The following GTF2IRD1 variants were observed in gnomAD, a reference collection of about 807,000 sequenced individuals.
The protein encoded by GTF2IRD1 is general transcription factor II-I repeat domain-containing protein 1.
GTF2IRD1 carries 26 observed loss-of-function variants against 113.2 expected under a neutral mutation model. The ratio of observed to expected loss-of-function variants is 0.23; its 90% CI spans 0.17 to 0.32. The LOEUF (loss-of-function observed/expected upper bound fraction) is 0.32. GTF2IRD1 is among the 10% of genes least tolerant of loss of function. The pLI, the probability that GTF2IRD1 is intolerant of heterozygous loss-of-function variation, is 1.00. For synonymous variants in GTF2IRD1, 484 were observed against 529.1 expected (o/e 0.91, Z 1.17); for missense variants, 864 against 1,280.8 (o/e 0.67, Z 4.97).
chr7:74,454,681 G>T (rs1281075275), intron 1 of GTF2IRD1, among the ~76,000 whole-genome samples: 1 of 152,118 alleles, frequency 6.6e-6, no homozygotes, highest in Non-Finnish European at 1.5e-5. Flanking sequence ...GCCCCAGCAG[G>T]GTGGTTCCTG....
intron 3 of GTF2IRD1, 166 bp from the exon 4 acceptor site, chr7:74,515,275 T>C (rs1796861773): frequency 3.5e-6 from 5 of 1,423,136 alleles, no homozygotes; most frequent in Non-Finnish European, 4.7e-6. Flanking sequence ...AGTGGGGTGG[T>C]TGGAATAGGG....
chr7:74,457,684 ATC>A (rs1333513470), intron 1 of GTF2IRD1, among the ~76,000 whole-genome samples: 2 of 151,816 alleles, frequency 1.3e-5, no homozygotes, highest in African/African-American at 2.4e-5. Context: ...GTTTGTAAGT[ATC>A]TCTCTCTCAG....
At chr7:74,583,907 C>T (rs1472808612) in intron 22 of GTF2IRD1, among the ~76,000 whole-genome samples, 3 of 151,984 alleles carry the variant, frequency 2.0e-5, no homozygotes, top group Admixed American at 2.0e-4. Flanking sequence ...GCAGATGAGC[C>T]CACATCCTTG....
chr7:74,474,100 G>A (rs1162153725), intron 1 of GTF2IRD1, among the ~76,000 whole-genome samples: 1 of 151,412 alleles, frequency 6.6e-6, no homozygotes, highest in East Asian at 1.9e-4. Context: ...AAAATTAACT[G>A]GGCATGCTGA....
intron 1 of GTF2IRD1, among the ~76,000 whole-genome samples, chr7:74,471,206 G>A (rs1161988053): frequency 2.0e-5 from 3 of 152,152 alleles, no homozygotes; most frequent in African/African-American, 4.8e-5. Flanking sequence ...AATGCGTTTT[G>A]ATTACGGTGG....
At chr7:74,597,341 CTTT>C (rs79382591) in intron 25 of GTF2IRD1, among the ~76,000 whole-genome samples, 2 of 134,224 alleles carry the variant, frequency 1.5e-5, no homozygotes, top group Admixed American at 7.7e-5. Context: ...TGCTACCGGC[CTTT>C]TTTTTTTTTT....
At chr7:74,472,283 A>C (rs57283385) in intron 1 of GTF2IRD1, among the ~76,000 whole-genome samples, 19,246 of 152,124 alleles carry the variant, frequency 0.13, 1,343 homozygotes, top group African/African-American at 0.18. Flanking sequence ...TGGACATCCT[A>C]ACCCCTCTTG....
At chr7:74,466,944 T>C (rs1410768980) in intron 1 of GTF2IRD1, among the ~76,000 whole-genome samples, 3 of 151,072 alleles carry the variant, frequency 2.0e-5, no homozygotes, top group Non-Finnish European at 4.4e-5. Flanking sequence ...CCTCCACCCT[T>C]TTTCTTTCTT....
At chr7:74,461,284 T>C (rs781884062) in intron 1 of GTF2IRD1, among the ~76,000 whole-genome samples, 6 of 152,120 alleles carry the variant, frequency 3.9e-5, no homozygotes, top group South Asian at 2.1e-4. Flanking sequence ...GGGGGCAGCT[T>C]AGCCCTTTCC....
At chr7:74,596,072 C>T (rs1554372165) in intron 25 of GTF2IRD1, 1 of 152,246 alleles carries the variant, frequency 6.6e-6, no homozygotes, top group African/African-American at 2.4e-5. Flanking sequence ...CACCTGTAAT[C>T]CCAGCACTTT....
In GTF2IRD1 at chr7:74,529,839, A is replaced by T; in HGVS notation, c.1196A>T (p.Lys399Met). ...IVGIPDKIPFKRPCTYGVPKL... is the reference protein window; with the variant it reads ...IVGIPDKIPFMRPCTYGVPKL... The stretch of plus-strand genomic sequence containing the variant: ...GGCATCCCGGACAAGATCCCCTTCA[A>T]GCGCCCCTGCACTTATGGAGTCCCC... The change falls in exon 9 of 27, where the codon AAG becomes ATG. Residue 399 changes from lysine to methionine, a missense_variant. This residue lies in a region of GTF2IRD1 where 218 missense variants were observed against 352.6 expected (regional missense o/e 0.62). Transcript: ENST00000424337. The T allele has an allele frequency of 6.2e-7, 1 of 1,614,060 alleles. No individual in the cohort carries two copies. The highest frequency in any genetic ancestry group is 8.5e-7 in the Non-Finnish European group (1 of 1,179,980).
At position 74,555,985 on chromosome 7, in the gene GTF2IRD1, C is replaced by T. The variant is rs1185400023; in HGVS notation, c.2023+491C>T. On this transcript the variant is annotated intron_variant, in intron 19 of 26. Transcript: ENST00000424337. This position sits in a 1 kb window ranked among gnomAD's most constrained non-coding sequence, Gnocchi z 5.3. ...AAATCAGAGGCCGAGTGCAGTGGCTCACGCCTGTAATCCCAGCACTTTGGG... is the reference window on the plus strand; with the variant it reads ...AAATCAGAGGCCGAGTGCAGTGGCTTACGCCTGTAATCCCAGCACTTTGGG... Among the ~76,000 whole-genome samples, 1 of 152,116 alleles carries T rather than the reference C, an allele frequency of 6.6e-6. No individual in the cohort carries two copies. Among genetic ancestry groups the T allele is most frequent in the Non-Finnish European group, 1.5e-5 (1 of 68,030 alleles).
At chr7:74,490,542 A>AGCCCCCC (rs1795279051) in intron 1 of GTF2IRD1, among the ~76,000 whole-genome samples, 2 of 129,898 alleles carry the variant, frequency 1.5e-5, no homozygotes, top group South Asian at 2.5e-4. Context: ...GAGAAAGGAT[A>AGCCCCCC]CCCCCCCCCC....
chr7:74,547,755 CTTT>C (rs587743253), intron 17 of GTF2IRD1, among the ~76,000 whole-genome samples: 1 of 114,244 alleles, frequency 8.8e-6, no homozygotes, highest in Admixed American at 9.5e-5. Context: ...TTCTCTCTCT[CTTT>C]TTTTTTTTTT....
chr7:74,590,709 C>T (rs1464643325), intron 23 of GTF2IRD1, 116 bp from the exon 24 acceptor site: 5 of 605,038 alleles, frequency 8.3e-6, no homozygotes, highest in Non-Finnish European at 1.4e-5. Context: ...GATTTTTAAA[C>T]TCTCTGGGTG....
chr7:74,540,435 C>T (rs1276779684), intron 14 of GTF2IRD1, among the ~76,000 whole-genome samples: 5 of 151,670 alleles, frequency 3.3e-5, no homozygotes, highest in Admixed American at 2.0e-4. Context: ...CGTGAGCCAC[C>T]GTGCCTGGCC....
intron 4 of GTF2IRD1, among the ~76,000 whole-genome samples, chr7:74,516,076 A>T (rs1444190365): frequency 6.6e-6 from 1 of 151,982 alleles, no homozygotes; most frequent in African/African-American, 2.4e-5. Context: ...GGCCCTACTG[A>T]CCTCTCTACA....
intron 22 of GTF2IRD1, among the ~76,000 whole-genome samples, chr7:74,585,149 G>T (rs1554367372): frequency 7.6e-6 from 1 of 131,570 alleles, no homozygotes; most frequent in Non-Finnish European, 1.6e-5. Flanking sequence ...GTCTTGCTCT[G>T]TCGCCTAGGC....
chr7:74,587,167 G>A (rs781882795), intron 22 of GTF2IRD1, among the ~76,000 whole-genome samples: 1 of 150,886 alleles, frequency 6.6e-6, no homozygotes, highest in Non-Finnish European at 1.5e-5. Context: ...GAGTCAGGCT[G>A]GGCACAGTGG....
Sources: allele counts gnomAD v4.1 joint callset (sites outside exome capture counted in the v4.1 genomes callset), GRCh38; gene constraint gnomAD v4.1.1; regional missense constraint gnomAD v4.1.1; non-coding constraint Gnocchi (gnomAD v3.1); transcripts MANE v1.5; gene names NCBI Gene and HGNC (gene_info 2026-07-23, HGNC 2026-07-21).